STPG4: variants seen among roughly 807,000 people sequenced by gnomAD.
STPG4 encodes protein STPG4.
STPG4 carries 41 observed loss-of-function variants against 31.5 expected under a neutral mutation model. The ratio of observed to expected loss-of-function variants is 1.30; its 90% confidence interval spans 1.01 to 1.69. The LOEUF is 1.69. Ranked by LOEUF, STPG4 falls within the 40% of genes most tolerant of loss-of-function variation. The pLI is 0.00. For synonymous variants in STPG4, 141 were observed against 103.0 expected (o/e 1.37, Z -2.24); for missense variants, 375 against 293.4 (o/e 1.28, Z -2.03).
At chr2:47,111,851 C>A (rs564092938) in intron 5 of STPG4, among the ~76,000 whole-genome samples, 1 of 152,322 alleles carries the variant, frequency 6.6e-6, no homozygotes, top group East Asian at 1.9e-4. Flanking sequence ...TACAACTTTA[C>A]ATTGGTAATG....
chr2:47,143,724 A>G lies in STPG4; in HGVS notation c.399+7534T>C, dbSNP rs1217352079. On this transcript the variant is annotated intron_variant, in intron 3 of 6. Transcript: ENST00000445927. ...ATGATGGTCTCGATCTCCTGACCTC[A>G]TGATCCGCCTGCCTCGGCCTCCCAA... Among the ~76,000 whole-genome samples the G allele has an allele frequency of 2.0e-5, 3 of 151,502 alleles. No individual in the cohort carries two copies. In the South Asian group the frequency reaches 6.3e-4, roughly 32 times the overall value.
In STPG4 at chr2:47,148,543, T is replaced by A. The variant is rs569913984; in HGVS notation, c.399+2715A>T. 3.9e-5 allele frequency among the ~76,000 whole-genome samples: 6 copies of A among 152,250 alleles called. No individual in the cohort carries two copies. In the East Asian group the frequency reaches 1.2e-3, roughly 29 times the overall value. ...ACTTTATTTATTTATTTATTTATAT[T>A]ATTATACTTTAAGTTCTAGGGTACA... On this transcript the variant is annotated intron_variant, in intron 3 of 6. Coordinates refer to ENST00000445927, the MANE Select transcript of STPG4 (RefSeq NM_001163561.2).
At chr2:47,152,088 T>C (rs1469388570) in intron 2 of STPG4, among the ~76,000 whole-genome samples, 1 of 152,184 alleles carries the variant, frequency 6.6e-6, no homozygotes, top group Non-Finnish European at 1.5e-5. Context: ...AAAAGGCAAC[T>C]TCGGTGATTC....
At chr2:47,149,383 A>C (rs984917008) in intron 3 of STPG4, among the ~76,000 whole-genome samples, 2 of 152,252 alleles carry the variant, frequency 1.3e-5, no homozygotes, top group Non-Finnish European at 2.9e-5. Flanking sequence ...GCAGAAAAGA[A>C]AATGGCAGAA....
intron 5 of STPG4, among the ~76,000 whole-genome samples, chr2:47,114,565 GTTT>G (rs1558677688): frequency 6.6e-6 from 1 of 152,086 alleles, no homozygotes; most frequent in East Asian, 1.9e-4. Flanking sequence ...CACAGCATTT[GTTT>G]TTTATCTGAG....
intron 3 of STPG4, among the ~76,000 whole-genome samples, chr2:47,132,561 G>A (rs1686506507): frequency 6.6e-6 from 1 of 152,130 alleles, no homozygotes; most frequent in South Asian, 2.1e-4. Context: ...TGATGCACCT[G>A]TGCTGCTTGA....
chr2:47,141,254 A>G (rs894710070), intron 3 of STPG4, among the ~76,000 whole-genome samples: 1 of 151,872 alleles, frequency 6.6e-6, no homozygotes, highest in Non-Finnish European at 1.5e-5. Context: ...CTCTTGTGTC[A>G]TATGGAAACA....
chr2:47,091,426 A>C (rs1685567344), intron 5 of STPG4, among the ~76,000 whole-genome samples: 1 of 152,280 alleles, frequency 6.6e-6, no homozygotes, highest in South Asian at 2.1e-4. Context: ...GAAAATGGGA[A>C]TAGCCCAAAC....
intron 5 of STPG4, among the ~76,000 whole-genome samples, chr2:47,099,626 T>A (rs1257215603): frequency 6.6e-6 from 1 of 152,390 alleles, no homozygotes; most frequent in African/African-American, 2.4e-5. Flanking sequence ...GCTCCCACTT[T>A]GGCGGCACTT....
At chr2:47,154,401 TG>T (rs1171974115) in intron 1 of STPG4, among the ~76,000 whole-genome samples, 1 of 152,064 alleles carries the variant, frequency 6.6e-6, no homozygotes, top group East Asian at 1.9e-4. Flanking sequence ...GAAAATGAGA[TG>T]GGAAGGAGAG....
At chr2:47,152,583 GA>G (rs1686959693) in intron 2 of STPG4, among the ~76,000 whole-genome samples, 1 of 152,088 alleles carries the variant, frequency 6.6e-6, no homozygotes, top group Non-Finnish European at 1.5e-5. Context: ...ACCATATTAA[GA>G]ACCATTTGCA....
At chr2:47,090,176 C>T (rs1685539804) in intron 6 of STPG4, 94 bp downstream of exon 6, 1 of 800,418 alleles carries the variant, frequency 1.2e-6, no homozygotes, top group Non-Finnish European at 2.1e-6. Context: ...ATCTCACCAC[C>T]ACCCCGCACC....
intron 5 of STPG4, among the ~76,000 whole-genome samples, chr2:47,125,724 AT>A (rs59579520): frequency 1.7e-3 from 252 of 149,256 alleles, no homozygotes; most frequent in South Asian, 3.8e-3. Context: ...CTTAGATTTA[AT>A]TTTTTTTTTT....
At chr2:47,119,944 G>T (rs993770397) in intron 5 of STPG4, among the ~76,000 whole-genome samples, 1 of 152,186 alleles carries the variant, frequency 6.6e-6, no homozygotes, top group African/African-American at 2.4e-5. Flanking sequence ...TAGCCTAAAA[G>T]GGTGACATTG....
In STPG4 at chr2:47,153,015, T is replaced by G; in HGVS notation, c.83A>C (p.Lys28Thr). The G allele has an allele frequency of 3.7e-6, 6 of 1,609,642 alleles. No individual in the cohort carries two copies. The highest frequency in any genetic ancestry group is 5.1e-6 in the Non-Finnish European group (6 of 1,177,000). The change falls in exon 2 of 7, where the codon AAA becomes ACA. Residue 28 changes from lysine to threonine, a missense_variant and splice_region_variant. By Grantham distance (78) the Lys-to-Thr change is moderately conservative (BLOSUM62 -1). Transcript: ENST00000445927. ...VGGESFITAS[K>T]PAQKTSSFER... is the part of the protein sequence containing the mutation. ...AAAAGAGGAAGTCTTTTGGGCTGGT[T>G]TCTGTTAACAAACACAAAGTATGCT...
At chr2:47,087,623 A>G (rs1267818180) in intron 6 of STPG4, among the ~76,000 whole-genome samples, 1 of 152,222 alleles carries the variant, frequency 6.6e-6, no homozygotes, top group Non-Finnish European at 1.5e-5. Context: ...GAGTTATTAA[A>G]GTAAGGTGTT....
At chr2:47,107,305 C>T (rs2103748687) in intron 5 of STPG4, among the ~76,000 whole-genome samples, 1 of 152,224 alleles carries the variant, frequency 6.6e-6, no homozygotes, top group African/African-American at 2.4e-5. Flanking sequence ...GGAACCGGGG[C>T]TGCGCGTGGT....
intron 3 of STPG4, among the ~76,000 whole-genome samples, chr2:47,150,565 G>A (rs1260647458): frequency 6.6e-6 from 1 of 151,702 alleles, no homozygotes; most frequent in Non-Finnish European, 1.5e-5. Flanking sequence ...ACCCAGGCTG[G>A]GGTACAGTCA....
At chr2:47,132,283 G>A (rs967971357) in intron 3 of STPG4, among the ~76,000 whole-genome samples, 11 of 152,074 alleles carry the variant, frequency 7.2e-5, no homozygotes, top group African/African-American at 2.4e-4. Context: ...GAGGGGAAGA[G>A]TTATATTATA....
Sources: gnomAD v4.1 joint callset for allele counts (sites outside exome capture counted in the v4.1 genomes callset) on GRCh38, gnomAD v4.1.1 for gene constraint, MANE v1.5 for transcripts, NCBI Gene and HGNC (gene_info 2026-07-23, HGNC 2026-07-21) for gene names.